PARD3B: variants seen among roughly 807,000 people sequenced by gnomAD.
PARD3B encodes partitioning defective 3 homolog B.
Under a neutral mutation model 130.2 loss-of-function variants are expected in PARD3B, and 103 were observed. That is an observed-to-expected ratio of 0.79 (90% CI 0.67 to 0.93). The LOEUF is 0.93. Ranked by LOEUF, PARD3B falls within the 40% of genes least tolerant of loss-of-function variation. The pLI is 0.00. For synonymous variants in PARD3B, 583 were observed against 553.2 expected (o/e 1.05, Z -0.76); for missense variants, 1,609 against 1,499.2 (o/e 1.07, Z -1.21).
chr2:205,465,132 C>T (rs559506593), intron 20 of PARD3B, among the ~76,000 whole-genome samples: 10 of 152,274 alleles, frequency 6.6e-5, no homozygotes, highest in South Asian at 2.1e-4. Context: ...GTTAATTACA[C>T]GTTTGACCTA....
intron 2 of PARD3B, among the ~76,000 whole-genome samples, chr2:204,937,807 A>G (rs1688583743): frequency 6.6e-6 from 1 of 152,162 alleles, no homozygotes. Flanking sequence ...TATAAATTTT[A>G]AATCCTGGGT....
At chr2:204,585,632 C>G (rs2032784811) in intron 1 of PARD3B, among the ~76,000 whole-genome samples, 1 of 151,952 alleles carries the variant, frequency 6.6e-6, no homozygotes, top group Non-Finnish European at 1.5e-5. Context: ...GCATGAGACA[C>G]CACACCAGTC....
chr2:205,408,209 C>T (rs573700115), intron 19 of PARD3B, among the ~76,000 whole-genome samples: 3 of 152,248 alleles, frequency 2.0e-5, no homozygotes. Flanking sequence ...GGCCTGTTCC[C>T]TTTAGTTTAA....
At chr2:204,839,692 G>C (rs1164934490) in intron 2 of PARD3B, among the ~76,000 whole-genome samples, 1 of 152,072 alleles carries the variant, frequency 6.6e-6, no homozygotes, top group African/African-American at 2.4e-5. Flanking sequence ...CAAATGCAGG[G>C]AGGAAAACAA....
chr2:205,075,964 A>G (rs1317240611), intron 4 of PARD3B, among the ~76,000 whole-genome samples: 1 of 152,172 alleles, frequency 6.6e-6, no homozygotes, highest in African/African-American at 2.4e-5. Flanking sequence ...AAGCTATGAA[A>G]TTATATATTT....
intron 15 of PARD3B, among the ~76,000 whole-genome samples, chr2:205,212,993 C>CT (rs2037722971): frequency 1.3e-5 from 2 of 152,194 alleles, no homozygotes; most frequent in South Asian, 4.2e-4. Context: ...AAGATGTTGA[C>CT]TTATATAAGA....
chr2:205,143,032 A>G (rs1382127939), intron 10 of PARD3B, among the ~76,000 whole-genome samples: 2 of 152,026 alleles, frequency 1.3e-5, no homozygotes, highest in East Asian at 3.9e-4. Context: ...GTCAGGGAAT[A>G]GTTAAAAGAA....
chr2:205,193,431 C>A, intron 15 of PARD3B, 111 bp downstream of exon 15: 1 of 782,888 alleles, frequency 1.3e-6, no homozygotes, highest in Non-Finnish European at 2.1e-6. Flanking sequence ...ACAAGGTCTG[C>A]AGAAGCCTGG....
intron 22 of PARD3B, among the ~76,000 whole-genome samples, chr2:205,554,997 A>C (rs1171046051): frequency 6.6e-6 from 1 of 152,036 alleles, no homozygotes; most frequent in African/African-American, 2.4e-5. Context: ...AGGGACAGTT[A>C]CATTTTGTTT....
intron 14 of PARD3B, among the ~76,000 whole-genome samples, chr2:205,191,791 G>A (rs571242522): frequency 2.0e-4 from 31 of 152,256 alleles, no homozygotes; most frequent in Admixed American, 2.6e-4. Context: ...AGTAAGTACC[G>A]GAGCCAGGAT....
At chr2:204,998,312 G>GTATATATATATATATATATATATACATA (rs1694423577) in intron 3 of PARD3B, among the ~76,000 whole-genome samples, 2 of 52,042 alleles carry the variant, frequency 3.8e-5, no homozygotes, top group South Asian at 6.1e-4. Flanking sequence ...AGAACTTAAA[G>GTATATATATATATATATATATATACATA]TATATATATA....
intron 15 of PARD3B, among the ~76,000 whole-genome samples, chr2:205,216,842 T>C (rs1373448006): frequency 1.3e-5 from 2 of 152,124 alleles, no homozygotes; most frequent in African/African-American, 4.8e-5. Flanking sequence ...AGTTCATTTG[T>C]CTTATGTAAT....
rs757039069 is a variant in PARD3B at position 205,300,749 on chromosome 2, G to A, written c.2392+13G>A. 5 of 1,600,532 alleles carry A rather than the reference G, an allele frequency of 3.1e-6. No individual in the cohort carries two copies. The highest frequency in any genetic ancestry group is 4.3e-6 in the Non-Finnish European group (5 of 1,168,904). On this transcript the variant is annotated intron_variant, in intron 17 of 22. Coordinates refer to ENST00000406610, the MANE Select transcript of PARD3B (RefSeq NM_001302769.2). The surrounding 1 kb of genome is among the most constrained non-coding windows in gnomAD (Gnocchi z 4.1). ...GAAATAGAAGCTGGTAGGATGATAT[G>A]CTTCCTTAAATGGCTTCTTCATCTC...
At chr2:205,542,370 GTGTGTGTGTGTGTATGTA>G (rs2052193880) in intron 21 of PARD3B, among the ~76,000 whole-genome samples, 3 of 150,984 alleles carry the variant, frequency 2.0e-5, no homozygotes, top group Admixed American at 2.0e-4. Context: ...GTGTGTGTGT[GTGTGTGTGTGTGTATGTA>G]TGTATGTATG....
At chr2:204,783,762 A>T (rs1464280189) in intron 2 of PARD3B, among the ~76,000 whole-genome samples, 1 of 151,972 alleles carries the variant, frequency 6.6e-6, no homozygotes, top group Non-Finnish European at 1.5e-5. Flanking sequence ...TGAGATTCAA[A>T]CCTAAGCAGC....
intron 1 of PARD3B, among the ~76,000 whole-genome samples, chr2:204,617,228 G>T (rs1380266474): frequency 6.6e-6 from 1 of 152,124 alleles, no homozygotes; most frequent in East Asian, 1.9e-4. Flanking sequence ...CAAGCCTTCT[G>T]TGGAAATCAG....
intron 22 of PARD3B, among the ~76,000 whole-genome samples, chr2:205,596,313 C>T (rs932205598): frequency 6.6e-6 from 1 of 152,096 alleles, no homozygotes; most frequent in Non-Finnish European, 1.5e-5. Flanking sequence ...GTTCAGTAAC[C>T]TTTGTGCTAT....
chr2:205,346,776 C>G (rs1011579991), intron 18 of PARD3B, among the ~76,000 whole-genome samples: 1 of 152,196 alleles, frequency 6.6e-6, no homozygotes, highest in Non-Finnish European at 1.5e-5. Context: ...CCACATTTTT[C>G]CTGTCTCCAC....
chr2:204,808,305 T>G (rs1227663450), intron 2 of PARD3B, among the ~76,000 whole-genome samples: 1 of 152,156 alleles, frequency 6.6e-6, no homozygotes, highest in African/African-American at 2.4e-5. Context: ...CCCTTGCATA[T>G]ATCTATTTGT....
Sources: gnomAD v4.1 joint callset for allele counts (sites outside exome capture counted in the v4.1 genomes callset) on GRCh38, gnomAD v4.1.1 for gene constraint, Gnocchi (gnomAD v3.1) non-coding constraint, MANE v1.5 for transcripts, NCBI Gene and HGNC (gene_info 2026-07-23, HGNC 2026-07-21) for gene names.